Variants in FAM114A1 observed in about 807,000 individuals in gnomAD.
The protein encoded by FAM114A1 is protein NOXP20.
A neutral mutation model predicts 64.3 loss-of-function variants in FAM114A1; 62 were observed. The observed-to-expected ratio is 0.96, with a 90% confidence interval of 0.79 to 1.19. The LOEUF is 1.19. FAM114A1 is among the 50% of genes most tolerant of loss of function. The pLI is 0.00. For missense variants in FAM114A1, 645 were observed against 676.3 expected, an observed-to-expected ratio of 0.95 and a Z score of 0.51; for synonymous variants, 254 against 251.1, an observed-to-expected ratio of 1.01 and a Z score of -0.11.
Position 38,868,436 on chromosome 4 carries a change from ACT to A in FAM114A1, c.-116_-115del, listed in dbSNP as rs1392120423. On this transcript the variant is annotated 5_prime_UTR_variant, in exon 2 of 15. Coordinates refer to ENST00000358869, the MANE Select transcript of FAM114A1 (RefSeq NM_138389.4). Reference sequence around the variant, plus strand: ...TGCCTGCTCTTCCAGTCCAGCCAACACTCTAAGCAGGCACCGCCTCCACTCGC... The same window carrying A: ...TGCCTGCTCTTCCAGTCCAGCCAACACTAAGCAGGCACCGCCTCCACTCGC... 6.6e-6 allele frequency: 1 copy of A among 151,510 alleles called. No individual in the cohort carries two copies. The highest frequency in any genetic ancestry group is 1.5e-5 in the Non-Finnish European group (1 of 68,244). 9.4% of individuals were successfully genotyped at this position (151,510 alleles called of 1,614,324 possible). A position where few individuals can be genotyped will look rare whatever the true frequency, so the allele number is the denominator to read the frequency against.
chr4:38,937,123 A>G (rs554895048), intron 13 of FAM114A1, among the ~76,000 whole-genome samples: 2 of 152,212 alleles, frequency 1.3e-5, no homozygotes. Flanking sequence ...GATGTTCTCC[A>G]TGAGAAACAG....
At chr4:38,904,108 C>T (rs1219901567) in intron 4 of FAM114A1, among the ~76,000 whole-genome samples, 1 of 152,122 alleles carries the variant, frequency 6.6e-6, no homozygotes, top group East Asian at 1.9e-4. Context: ...GGACTTGGGA[C>T]GTTTTTCCTC....
At chr4:38,935,075 C>T (rs1251739917) in intron 12 of FAM114A1, among the ~76,000 whole-genome samples, 3 of 152,050 alleles carry the variant, frequency 2.0e-5, no homozygotes, top group Non-Finnish European at 2.9e-5. Flanking sequence ...CCACCACGCC[C>T]AGCTAATTTT....
chr4:38,943,604 C>A lies in FAM114A1; in HGVS notation c.*47C>A. The A allele has an allele frequency of 6.5e-7, 1 of 1,530,500 alleles. No homozygotes were observed. The highest frequency in any genetic ancestry group is 9.0e-7 in the Non-Finnish European group (1 of 1,105,492). 94.8% of individuals were successfully genotyped at this position (1,530,500 alleles called of 1,614,324 possible). On this transcript the variant is annotated 3_prime_UTR_variant, in exon 15 of 15. Coordinates refer to ENST00000358869, the MANE Select transcript of FAM114A1 (RefSeq NM_138389.4). ...TAAAGGAGACAGCTGGCCGCCTTGCCTCAATATGTACCATTTAAGGGGATG... is the reference window on the plus strand; with the variant it reads ...TAAAGGAGACAGCTGGCCGCCTTGCATCAATATGTACCATTTAAGGGGATG...
intron 2 of FAM114A1, among the ~76,000 whole-genome samples, chr4:38,874,916 T>C (rs979074565): frequency 6.6e-6 from 1 of 152,238 alleles, no homozygotes; most frequent in Non-Finnish European, 1.5e-5. Flanking sequence ...CCCAGCACAA[T>C]TTATTGAATA....
rs147691917 is a variant in FAM114A1, at chr4:38,881,846, A to T, written c.348+3420A>T. On this transcript the variant is annotated intron_variant, in intron 3 of 14. Coordinates refer to ENST00000358869, the MANE Select transcript of FAM114A1 (RefSeq NM_138389.4). ...TTCCCTGTTGCTCCAGAGCAGAGTG[A>T]ATTGTACAAAACAAATTCTTGAATC... Among the ~76,000 whole-genome samples, 29 of 152,314 alleles carry T rather than the reference A, an allele frequency of 1.9e-4. No individual in the cohort carries two copies. The East Asian group carries it at 5.2e-3, about 27-fold the overall frequency.
At chr4:38,936,629 C>T (rs749510891) in intron 13 of FAM114A1, among the ~76,000 whole-genome samples, 17 of 150,284 alleles carry the variant, frequency 1.1e-4, no homozygotes, top group Admixed American at 2.0e-4. Context: ...ATCGGCTCAC[C>T]GCAGCCTCCA....
intron 3 of FAM114A1, among the ~76,000 whole-genome samples, chr4:38,890,537 C>G (rs1377808513): frequency 6.6e-6 from 1 of 152,148 alleles, no homozygotes; most frequent in Non-Finnish European, 1.5e-5. Flanking sequence ...TTTCTGCCCG[C>G]CCTTCCTTCT....
At chr4:38,912,053 G>A (rs1213896250) in intron 7 of FAM114A1, among the ~76,000 whole-genome samples, 1 of 151,700 alleles carries the variant, frequency 6.6e-6, no homozygotes, top group Non-Finnish European at 1.5e-5. Context: ...TAGAGACGGG[G>A]TTTCACCATG....
intron 4 of FAM114A1, among the ~76,000 whole-genome samples, chr4:38,899,844 T>A (rs896079837): frequency 6.6e-6 from 1 of 152,178 alleles, no homozygotes; most frequent in Non-Finnish European, 1.5e-5. Flanking sequence ...ATATTACATT[T>A]TGAATACATT....
intron 3 of FAM114A1, among the ~76,000 whole-genome samples, chr4:38,889,580 C>T (rs1488611571): frequency 2.6e-5 from 4 of 152,136 alleles, no homozygotes; most frequent in African/African-American, 9.7e-5. Context: ...GGTTCCTATA[C>T]TTATGGCTCT....
Position 38,936,330 on chromosome 4 carries a change from G to A in FAM114A1, c.1536+540G>A, listed in dbSNP as rs551251938. Among the ~76,000 whole-genome samples the A allele has an allele frequency of 5.9e-5, 9 of 151,846 alleles. No homozygotes were observed. The South Asian group carries it at 8.3e-4, about 14-fold the overall frequency. On this transcript the variant is annotated intron_variant, in intron 13 of 14. Transcript: ENST00000358869. Reference sequence around the variant, plus strand: ...AGGATGGTTTCGATCTCCTGACCTCGTGATCCGCCCACCTCGGCCCTGCAA... The same window carrying A: ...AGGATGGTTTCGATCTCCTGACCTCATGATCCGCCCACCTCGGCCCTGCAA...
intron 4 of FAM114A1, among the ~76,000 whole-genome samples, chr4:38,905,060 C>T (rs1021138334): frequency 3.3e-5 from 5 of 152,098 alleles, no homozygotes; most frequent in African/African-American, 9.7e-5. Context: ...ATATTGGAAC[C>T]CACATCTCAG....
At chr4:38,908,851 G>A (rs1718275791) in intron 7 of FAM114A1, 125 bp downstream of exon 7, 1 of 1,003,240 alleles carries the variant, frequency 1.0e-6, no homozygotes, top group South Asian at 2.4e-5. Flanking sequence ...AGAGCAGAGA[G>A]AGAAAACTGA....
At chr4:38,943,046 A>C (rs1376827767) in intron 14 of FAM114A1, among the ~76,000 whole-genome samples, 1 of 152,112 alleles carries the variant, frequency 6.6e-6, no homozygotes, top group African/African-American at 2.4e-5. Flanking sequence ...CAAACAAATT[A>C]GCTGGGCGTG....
chr4:38,891,248 C>T (rs1716347652), intron 3 of FAM114A1, among the ~76,000 whole-genome samples: 2 of 152,308 alleles, frequency 1.3e-5, no homozygotes, highest in East Asian at 1.9e-4. Flanking sequence ...GCCCATCCAT[C>T]GCCAGGTGTA....
intron 9 of FAM114A1, among the ~76,000 whole-genome samples, chr4:38,928,756 G>A (rs974546714): frequency 6.6e-6 from 1 of 152,150 alleles, no homozygotes; most frequent in African/African-American, 2.4e-5. Context: ...AGACTAATTC[G>A]GTTTATTCAG....
chr4:38,910,238 CAA>C (rs372880362), intron 7 of FAM114A1, among the ~76,000 whole-genome samples: 3 of 132,296 alleles, frequency 2.3e-5, no homozygotes, highest in African/African-American at 5.6e-5. Flanking sequence ...GACTGCATCT[CAA>C]AAAAAAAAAA....
rs376355647 is a variant in FAM114A1, at chr4:38,932,410, G to A, written c.1463+36G>A. On this transcript the variant is annotated intron_variant, in intron 12 of 14. Coordinates refer to ENST00000358869, the MANE Select transcript of FAM114A1 (RefSeq NM_138389.4). Reference sequence around the variant, plus strand: ...GTTACTTTAAATTCTTATTTTCCCAGTTTTATATATAGGTACCATTCAGAT... The same window carrying A: ...GTTACTTTAAATTCTTATTTTCCCAATTTTATATATAGGTACCATTCAGAT... 2.6e-6 allele frequency: 4 copies of A among 1,557,932 alleles called. No homozygotes were observed. The African/African-American group carries it at 4.2e-5, about 16-fold the overall frequency.
Sources: gnomAD v4.1 joint callset for allele counts (sites outside exome capture counted in the v4.1 genomes callset) on GRCh38, gnomAD v4.1.1 for gene constraint, MANE v1.5 for transcripts, NCBI Gene and HGNC (gene_info 2026-07-23, HGNC 2026-07-21) for gene names.